The following OSBPL9 variants were observed in gnomAD, a reference collection of about 807,000 sequenced individuals.
OSBPL9 encodes the protein oxysterol binding protein like 9, also known as oxysterol-binding protein-related protein 9.
Under a neutral mutation model 106.6 loss-of-function variants are expected in OSBPL9, and 40 were observed. That is an observed-to-expected ratio of 0.38 (90% CI 0.29 to 0.49). OSBPL9 has a LOEUF of 0.49. Among genes scored for constraint, OSBPL9 ranks in the 20% least tolerant of loss-of-function variants. The pLI is 0.97. For missense variants in OSBPL9, 609 were observed against 887.2 expected (o/e 0.69, Z 3.98); for synonymous variants, 269 against 295.4 (o/e 0.91, Z 0.92).
the OSBPL9 span, among the ~76,000 whole-genome samples, chr1:51,520,269 A>G: frequency 1.3e-5 from 2 of 151,816 alleles, no homozygotes; most frequent in African/African-American, 2.4e-5. Context: ...GTTCCTGCCT[A>G]TATTAAACAT....
rs559744506 is a variant in OSBPL9, at chr1:51,769,712, G to A, written c.939-2358G>A. Reference sequence around the variant, plus strand: ...CTGTTTTCTTTATATCATTTGTTCTGAACAAGGTAAATTATGAAATGGCTG... The same window carrying A: ...CTGTTTTCTTTATATCATTTGTTCTAAACAAGGTAAATTATGAAATGGCTG... On this transcript the variant is annotated intron_variant, in intron 12 of 23. Coordinates refer to ENST00000428468, the MANE Select transcript of OSBPL9 (RefSeq NM_024586.6). Among the ~76,000 whole-genome samples, 126 of 151,972 alleles carry A rather than the reference G, an allele frequency of 8.3e-4. 1 individual carries two copies. Among genetic ancestry groups the A allele is most frequent in the Non-Finnish European group, 1.6e-3 (110 of 67,984 alleles).
the OSBPL9 span, among the ~76,000 whole-genome samples, chr1:51,542,770 G>T: frequency 6.6e-6 from 1 of 152,174 alleles, no homozygotes; most frequent in African/African-American, 2.4e-5. Context: ...AGTAAATACA[G>T]TGCTGGAATC....
intron 4 of OSBPL9, among the ~76,000 whole-genome samples, chr1:51,735,247 C>G (rs116181683): frequency 1.3e-5 from 2 of 152,178 alleles, no homozygotes; most frequent in African/African-American, 4.8e-5. Flanking sequence ...GTCCACTGGC[C>G]GGTGGGAACC....
intron 3 of OSBPL9, among the ~76,000 whole-genome samples, chr1:51,685,400 C>T (rs1185361511): frequency 6.6e-6 from 1 of 151,996 alleles, no homozygotes; most frequent in Non-Finnish European, 1.5e-5. Flanking sequence ...ATGCTTACTT[C>T]TACCATGATA....
intron 3 of OSBPL9, among the ~76,000 whole-genome samples, chr1:51,712,870 A>G (rs769728135): frequency 2.0e-5 from 3 of 152,222 alleles, no homozygotes; most frequent in Non-Finnish European, 4.4e-5. Flanking sequence ...CTTCCTACAG[A>G]AAAGATTTTC....
intron 6 of OSBPL9, 127 bp from the exon 7 acceptor site, chr1:51,748,242 C>A: frequency 9.0e-7 from 1 of 1,106,452 alleles, no homozygotes; most frequent in Non-Finnish European, 1.2e-6. Flanking sequence ...ACTCCCTTCC[C>A]AACTTGCTTG....
intron 1 of OSBPL9, among the ~76,000 whole-genome samples, chr1:51,622,771 C>G (rs144753403): frequency 6.6e-6 from 1 of 152,168 alleles, no homozygotes; most frequent in East Asian, 1.9e-4. Context: ...CTTTTATGAC[C>G]TAGTCAGAGA....
At chr1:51,616,788 C>A, upstream of OSBPL9, 1 of 233,972 alleles carries the variant, frequency 4.3e-6, no homozygotes, top group Non-Finnish European at 8.6e-6. Flanking sequence ...GATATGAAAT[C>A]TTTTGGAAGT....
upstream of OSBPL9, among the ~76,000 whole-genome samples, chr1:51,614,887 T>C (rs1201509928): frequency 1.3e-5 from 2 of 152,170 alleles, no homozygotes; most frequent in African/African-American, 4.8e-5. Context: ...AAGTGATGAA[T>C]CTGGATATTA....
At position 51,773,021 on chromosome 1, in the gene OSBPL9, C is replaced by T. The variant is rs572795718; in HGVS notation, c.1170+298C>T. On this transcript the variant is annotated intron_variant, in intron 14 of 23. Transcript: ENST00000428468. ...TCCTACCTCTAATATTAGCAAACCACGCACGGTCTTCAGTGAGTTTCTTCT... is the reference window on the plus strand; with the variant it reads ...TCCTACCTCTAATATTAGCAAACCATGCACGGTCTTCAGTGAGTTTCTTCT... 9.2e-5 allele frequency among the ~76,000 whole-genome samples: 14 copies of T among 152,262 alleles called. No homozygotes were observed. In the East Asian group the frequency reaches 1.9e-3, roughly 21 times the overall value.
chr1:51,698,010 G>A (rs560464322), intron 3 of OSBPL9, among the ~76,000 whole-genome samples: 7 of 152,066 alleles, frequency 4.6e-5, no homozygotes, highest in East Asian at 1.9e-4. Flanking sequence ...GTCAGGCATC[G>A]TGGTAAATAT....
intron 3 of OSBPL9, among the ~76,000 whole-genome samples, chr1:51,712,897 A>G (rs1660347667): frequency 6.6e-6 from 1 of 152,238 alleles, no homozygotes; most frequent in South Asian, 2.1e-4. Context: ...TTTTGCTAGT[A>G]GATGCCTGGC....
chr1:51,786,871 T>C (rs953401240), intron 22 of OSBPL9, among the ~76,000 whole-genome samples: 1 of 152,206 alleles, frequency 6.6e-6, no homozygotes, highest in African/African-American at 2.4e-5. Flanking sequence ...CTTAACTAAC[T>C]TTAAAGCCTC....
chr1:51,640,071 A>G (rs781471665), intron 1 of OSBPL9, among the ~76,000 whole-genome samples: 8 of 152,016 alleles, frequency 5.3e-5, no homozygotes, highest in African/African-American at 7.3e-5. Context: ...AGCTCAAGCA[A>G]TCCTCCCACT....
chr1:51,521,215 G>A, the OSBPL9 span, among the ~76,000 whole-genome samples: 1 of 152,188 alleles, frequency 6.6e-6, no homozygotes, highest in Non-Finnish European at 1.5e-5. Context: ...TTCACTAGTT[G>A]TATGCCCTTA....
the OSBPL9 span, among the ~76,000 whole-genome samples, chr1:51,536,558 A>G: frequency 2.6e-5 from 4 of 152,076 alleles, no homozygotes; most frequent in Non-Finnish European, 4.4e-5. Context: ...CCTCAAAGTG[A>G]TCTTCCTGTC....
chr1:51,635,180 A>C (rs1466629334), intron 1 of OSBPL9, among the ~76,000 whole-genome samples: 1 of 152,110 alleles, frequency 6.6e-6, no homozygotes, highest in East Asian at 1.9e-4. Context: ...TCAAGAGCAG[A>C]GTGTGATGGG....
rs541736125 is a variant in OSBPL9 at position 51,705,625 on chromosome 1, G to A, written c.242-8378G>A. Among the ~76,000 whole-genome samples the A allele has an allele frequency of 2.6e-5, 4 of 151,544 alleles. No homozygotes were observed. In the South Asian group the frequency reaches 6.3e-4, roughly 24 times the overall value. Reference sequence around the variant, plus strand: ...AGTTGGGGTTTCTCCATGTTGGTCAGGCTCATCTGGAACTCCCGACCTCAG... The same window carrying A: ...AGTTGGGGTTTCTCCATGTTGGTCAAGCTCATCTGGAACTCCCGACCTCAG... On this transcript the variant is annotated intron_variant, in intron 3 of 23. Coordinates refer to ENST00000428468, the MANE Select transcript of OSBPL9 (RefSeq NM_024586.6).
the OSBPL9 span, chr1:51,561,798 T>C: frequency 6.6e-6 from 1 of 152,232 alleles, no homozygotes; most frequent in Non-Finnish European, 1.5e-5. Flanking sequence ...CCAAGACTTA[T>C]TCAAGTCTTG....
Sources: allele counts gnomAD v4.1 joint callset (sites outside exome capture counted in the v4.1 genomes callset), GRCh38; gene constraint gnomAD v4.1.1; transcripts MANE v1.5; gene names NCBI Gene and HGNC (gene_info 2026-07-23, HGNC 2026-07-21).